Variants in BRINP3 observed in about 807,000 individuals in gnomAD.
The protein encoded by BRINP3 is BMP/retinoic acid-inducible neural-specific protein 3.
A neutral mutation model predicts 71.0 loss-of-function variants in BRINP3; 19 were observed. That is an observed-to-expected ratio of 0.27 (90% CI 0.19 to 0.39). The LOEUF is 0.39. Among genes scored for constraint, BRINP3 ranks in the 10% least tolerant of loss-of-function variants. The pLI is 1.00. For missense variants in BRINP3, 959 were observed against 940.8 expected, an observed-to-expected ratio of 1.02 and a Z score of -0.25; for synonymous variants, 380 against 337.7, an observed-to-expected ratio of 1.13 and a Z score of -1.37.
intron 2 of BRINP3, among the ~76,000 whole-genome samples, chr1:190,372,156 A>G (rs1669911475): frequency 6.6e-6 from 1 of 152,168 alleles, no homozygotes; most frequent in African/African-American, 2.4e-5. Flanking sequence ...CAGACCTCAC[A>G]GACATTAAGA....
rs200522719 is a variant in BRINP3, at chr1:190,365,803, A to AGT, written c.237-84055_237-84054dup. On this transcript the variant is annotated intron_variant, in intron 2 of 7. Coordinates refer to ENST00000367462, the MANE Select transcript of BRINP3 (RefSeq NM_199051.3). ...CTGCGAAGAGTACAATGAGAGAGCA[A>AGT]GTGTATATATATATATATATATATA... Among the ~76,000 whole-genome samples, 480 of 55,350 alleles carry AGT rather than the reference A, an allele frequency of 8.7e-3. 1 individual carries two copies. The highest frequency in any genetic ancestry group is 0.043 in the Middle Eastern group (3 of 70). The allele number at this position is 55,350 out of a possible 152,430, so 36.3% of individuals were successfully genotyped here. A position where few individuals can be genotyped will look rare whatever the true frequency, so the allele number is the denominator to read the frequency against.
At chr1:190,279,410 T>C (rs1467574247) in intron 3 of BRINP3, among the ~76,000 whole-genome samples, 1 of 151,868 alleles carries the variant, frequency 6.6e-6, no homozygotes, top group Non-Finnish European at 1.5e-5. Flanking sequence ...CACATAGGTG[T>C]TATTCTCCCC....
chr1:190,253,736 G>A (rs1660372946), intron 4 of BRINP3, among the ~76,000 whole-genome samples: 1 of 152,094 alleles, frequency 6.6e-6, no homozygotes, highest in African/African-American at 2.4e-5. Context: ...TGTCTGTTTA[G>A]TCTGATAGTA....
At chr1:190,298,936 T>C (rs190196832) in intron 2 of BRINP3, among the ~76,000 whole-genome samples, 14 of 152,282 alleles carry the variant, frequency 9.2e-5, no homozygotes, top group African/African-American at 3.1e-4. Flanking sequence ...ATTATTTTAG[T>C]TCTTCCTTCA....
chr1:190,412,727 G>A (rs1445935969), intron 2 of BRINP3, among the ~76,000 whole-genome samples: 1 of 151,810 alleles, frequency 6.6e-6, no homozygotes, highest in Non-Finnish European at 1.5e-5. Flanking sequence ...CTCCCAAAGT[G>A]CTGGGATTAC....
At chr1:190,425,592 T>C (rs552467130) in intron 2 of BRINP3, among the ~76,000 whole-genome samples, 1 of 151,886 alleles carries the variant, frequency 6.6e-6, no homozygotes, top group East Asian at 1.9e-4. Context: ...TATCAACATA[T>C]TTAACAAGGA....
intron 1 of BRINP3, among the ~76,000 whole-genome samples, chr1:190,457,520 A>C (rs922307949): frequency 1.3e-5 from 2 of 152,072 alleles, no homozygotes; most frequent in African/African-American, 2.4e-5. Flanking sequence ...ACTTTAGGCA[A>C]GTTACTTAAC....
chr1:190,380,900 C>T (rs552702931), intron 2 of BRINP3, among the ~76,000 whole-genome samples: 2 of 152,244 alleles, frequency 1.3e-5, no homozygotes, highest in Admixed American at 6.5e-5. Flanking sequence ...CACCACTCAT[C>T]TTTCATAAAT....
chr1:190,413,350 A>G (rs1672813206), intron 2 of BRINP3, among the ~76,000 whole-genome samples: 1 of 152,264 alleles, frequency 6.6e-6, no homozygotes. Context: ...GATGTCACCT[A>G]TAAAGGCTGC....
chr1:190,412,301 C>T (rs1672717990), intron 2 of BRINP3, among the ~76,000 whole-genome samples: 1 of 150,320 alleles, frequency 6.7e-6, no homozygotes, highest in Non-Finnish European at 1.5e-5. Flanking sequence ...ATTATTATTT[C>T]TACAATCTTG....
intron 4 of BRINP3, among the ~76,000 whole-genome samples, chr1:190,242,585 T>C (rs1393501348): frequency 1.3e-5 from 2 of 152,124 alleles, no homozygotes; most frequent in Non-Finnish European, 2.9e-5. Context: ...TCTCTAATTT[T>C]ATTCCTCATA....
intron 3 of BRINP3, among the ~76,000 whole-genome samples, chr1:190,275,698 G>GA (rs1296295038): frequency 2.6e-5 from 4 of 151,504 alleles, no homozygotes; most frequent in South Asian, 4.1e-4. Context: ...AAAAGAACCA[G>GA]AAAAAATATA....
intron 2 of BRINP3, among the ~76,000 whole-genome samples, chr1:190,356,313 A>G (rs1463580528): frequency 2.0e-5 from 3 of 152,114 alleles, no homozygotes; most frequent in Admixed American, 1.3e-4. Context: ...CTATAATTAA[A>G]TAATAGAAAA....
intron 2 of BRINP3, among the ~76,000 whole-genome samples, chr1:190,395,329 G>C (rs2102326668): frequency 6.6e-6 from 1 of 151,632 alleles, no homozygotes; most frequent in South Asian, 2.1e-4. Flanking sequence ...GTTGAAAATA[G>C]CAAAACCTCC....
At chr1:190,157,129 A>G (rs1656940397) in intron 7 of BRINP3, among the ~76,000 whole-genome samples, 1 of 151,826 alleles carries the variant, frequency 6.6e-6, no homozygotes, top group Non-Finnish European at 1.5e-5. Flanking sequence ...TTCCCCCAAT[A>G]TTAAAAAAAA....
chr1:190,171,443 T>A (rs1652002721), intron 6 of BRINP3, among the ~76,000 whole-genome samples: 1 of 152,152 alleles, frequency 6.6e-6, no homozygotes, highest in East Asian at 1.9e-4. Flanking sequence ...AGGCCAATTG[T>A]TAATTTTTGC....
At chr1:190,346,086 G>A (rs1036115976) in intron 2 of BRINP3, among the ~76,000 whole-genome samples, 1 of 151,920 alleles carries the variant, frequency 6.6e-6, no homozygotes, top group African/African-American at 2.4e-5. Flanking sequence ...AGCATTTCTA[G>A]CAGGTCTGTC....
intron 7 of BRINP3, among the ~76,000 whole-genome samples, chr1:190,143,991 G>A (rs1038670400): frequency 6.6e-6 from 1 of 152,010 alleles, no homozygotes; most frequent in Non-Finnish European, 1.5e-5. Flanking sequence ...TGTCTGGTTG[G>A]CTTGTTTGGA....
intron 2 of BRINP3, among the ~76,000 whole-genome samples, chr1:190,445,205 G>A (rs887071877): frequency 1.3e-5 from 2 of 151,844 alleles, no homozygotes; most frequent in African/African-American, 4.8e-5. Context: ...TATAAAGATT[G>A]GTCTAATTAT....
Sources: allele counts gnomAD v4.1 joint callset (sites outside exome capture counted in the v4.1 genomes callset), GRCh38; gene constraint gnomAD v4.1.1; transcripts MANE v1.5; gene names NCBI Gene and HGNC (gene_info 2026-07-23, HGNC 2026-07-21).